Variants in EFCAB6 observed in about 807,000 individuals in gnomAD.
EFCAB6 encodes EF-hand calcium binding domain 6, also known as EF-hand calcium-binding domain-containing protein 6.
In EFCAB6, 156 loss-of-function variants were observed where a neutral mutation model predicts 169.8. The observed-to-expected ratio is 0.92, with a 90% CI of 0.81 to 1.05. EFCAB6 has a LOEUF of 1.05. Among genes scored for constraint, EFCAB6 ranks in the 50% least tolerant of loss-of-function variants. EFCAB6 has a pLI of 0.00. For missense variants in EFCAB6, 1,800 were observed against 1,829.1 expected (o/e 0.98, Z 0.29); for synonymous variants, 698 against 676.4 (o/e 1.03, Z -0.50).
chr22:43,666,283 C>T (rs2148196393), intron 17 of EFCAB6, among the ~76,000 whole-genome samples: 1 of 152,284 alleles, frequency 6.6e-6, no homozygotes, highest in South Asian at 2.1e-4. Flanking sequence ...ATTTCTGTGC[C>T]TCTAGCCCTG....
intron 2 of EFCAB6, among the ~76,000 whole-genome samples, chr22:43,799,143 A>G (rs2062613147): frequency 2.0e-5 from 3 of 151,898 alleles, no homozygotes; most frequent in African/African-American, 7.3e-5. Context: ...CATGGGCAAC[A>G]TAGTGAGACC....
chr22:43,698,992 C>T, intron 10 of EFCAB6, among the ~76,000 whole-genome samples: 1 of 152,176 alleles, frequency 6.6e-6, no homozygotes, highest in East Asian at 1.9e-4. Context: ...ACAGGATTGA[C>T]ATCTCCCTGG....
At chr22:43,650,243 G>A (rs2056400549) in intron 17 of EFCAB6, among the ~76,000 whole-genome samples, 1 of 152,192 alleles carries the variant, frequency 6.6e-6, no homozygotes, top group Admixed American at 6.5e-5. Context: ...TGTTTTGGGA[G>A]GCACCTGGTG....
chr22:43,637,318 C>T (rs1277050825), intron 17 of EFCAB6, among the ~76,000 whole-genome samples: 2 of 152,238 alleles, frequency 1.3e-5, no homozygotes, highest in Non-Finnish European at 2.9e-5. Flanking sequence ...TAGGGCACTC[C>T]ACACCTTGTG....
chr22:43,635,441 C>T (rs972494362), intron 17 of EFCAB6, among the ~76,000 whole-genome samples: 22 of 152,240 alleles, frequency 1.4e-4, no homozygotes, highest in African/African-American at 5.1e-4. Flanking sequence ...GGACAAGTGG[C>T]ACAGTTGGCA....
intron 26 of EFCAB6, among the ~76,000 whole-genome samples, chr22:43,569,087 G>A (rs573723639): frequency 7.4e-4 from 113 of 152,296 alleles, no homozygotes; most frequent in African/African-American, 2.6e-3. Flanking sequence ...GGCACATGCC[G>A]AGTGCCTACC....
At chr22:43,721,961 G>A (rs914984361) in intron 8 of EFCAB6, among the ~76,000 whole-genome samples, 5 of 152,056 alleles carry the variant, frequency 3.3e-5, no homozygotes, top group African/African-American at 4.8e-5. Context: ...ACAACCTACA[G>A]AATGGGAGAA....
chr22:43,736,795 C>T (rs149489088), intron 6 of EFCAB6, among the ~76,000 whole-genome samples: 19 of 152,174 alleles, frequency 1.2e-4, no homozygotes, highest in Admixed American at 9.8e-4. Flanking sequence ...GTGTTAGATA[C>T]GGAAACTGAC....
chr22:43,629,924 G>C (rs569096367), intron 19 of EFCAB6, among the ~76,000 whole-genome samples: 114 of 152,298 alleles, frequency 7.5e-4, no homozygotes, highest in African/African-American at 2.6e-3. Flanking sequence ...GACGAATTGT[G>C]AAGTGCAAAG....
chr22:43,537,693 G>A lies in EFCAB6; in HGVS notation c.3880-148C>T. On this transcript the variant is annotated intron_variant, in intron 28 of 31. Coordinates refer to ENST00000262726, the MANE Select transcript of EFCAB6 (RefSeq NM_022785.4). The surrounding 1 kb of genome is among the most constrained non-coding windows in gnomAD (Gnocchi z 4.3). Reference sequence around the variant, plus strand: ...AAATGAAGAATAAAACATAGATGGTGATTTTACAATGTAGCTTTTATTTCC... The same window carrying A: ...AAATGAAGAATAAAACATAGATGGTAATTTTACAATGTAGCTTTTATTTCC... 2.0e-6 allele frequency: 2 copies of A among 1,008,184 alleles called. No homozygotes were observed. Among genetic ancestry groups the A allele is most frequent in the Admixed American group, 5.9e-5 (2 of 33,914 alleles). 62.5% of individuals were successfully genotyped at this position (1,008,184 alleles called of 1,614,324 possible).
chr22:43,655,508 G>A (rs1399858350), intron 17 of EFCAB6, among the ~76,000 whole-genome samples: 3 of 130,674 alleles, frequency 2.3e-5, no homozygotes, highest in African/African-American at 8.4e-5. Flanking sequence ...ACAACAGAGC[G>A]AGACCCTGTC....
chr22:43,571,259 G>T (rs1362145297), intron 26 of EFCAB6, among the ~76,000 whole-genome samples: 1 of 152,124 alleles, frequency 6.6e-6, no homozygotes, highest in African/African-American at 2.4e-5. Flanking sequence ...AAGGTCTTAG[G>T]CAATGTCTTA....
At chr22:43,588,571 T>G (rs1012323568) in intron 24 of EFCAB6, among the ~76,000 whole-genome samples, 1 of 152,084 alleles carries the variant, frequency 6.6e-6, no homozygotes, top group African/African-American at 2.4e-5. Flanking sequence ...TTAAAATATG[T>G]GAGAGAACAG....
At chr22:43,639,961 A>G (rs1372345641) in intron 17 of EFCAB6, among the ~76,000 whole-genome samples, 2 of 151,608 alleles carry the variant, frequency 1.3e-5, no homozygotes, top group African/African-American at 2.4e-5. Flanking sequence ...CAGATATCTT[A>G]TTTTTCAGTT....
intron 10 of EFCAB6, among the ~76,000 whole-genome samples, chr22:43,704,681 A>G (rs2058890626): frequency 6.6e-6 from 1 of 152,182 alleles, no homozygotes; most frequent in Non-Finnish European, 1.5e-5. Flanking sequence ...AGTTGTTATC[A>G]GCATAAAGTG....
chr22:43,624,541 G>C (rs1038669513), intron 20 of EFCAB6, among the ~76,000 whole-genome samples: 2 of 152,012 alleles, frequency 1.3e-5, no homozygotes, highest in Non-Finnish European at 2.9e-5. Flanking sequence ...CTGTGATCTC[G>C]CAAATGCTCT....
chr22:43,558,124 G>A (rs1268901623), intron 26 of EFCAB6, among the ~76,000 whole-genome samples: 2 of 152,184 alleles, frequency 1.3e-5, no homozygotes, highest in East Asian at 1.9e-4. Flanking sequence ...ATTTTTAGAA[G>A]TTCCAGCTTT....
chr22:43,568,731 C>T (rs536350635), intron 26 of EFCAB6, among the ~76,000 whole-genome samples: 4 of 152,236 alleles, frequency 2.6e-5, no homozygotes, highest in Admixed American at 2.6e-4. Flanking sequence ...CTGCATAGGG[C>T]TGGGGCACAA....
intron 6 of EFCAB6, among the ~76,000 whole-genome samples, chr22:43,741,993 C>T (rs983185517): frequency 1.3e-5 from 2 of 152,060 alleles, no homozygotes; most frequent in Non-Finnish European, 2.9e-5. Flanking sequence ...AGGGAAAAAC[C>T]GCTGAACCGG....
Sources: allele counts gnomAD v4.1 joint callset (sites outside exome capture counted in the v4.1 genomes callset), GRCh38; gene constraint gnomAD v4.1.1; non-coding constraint Gnocchi (gnomAD v3.1); transcripts MANE v1.5; gene names NCBI Gene and HGNC (gene_info 2026-07-23, HGNC 2026-07-21).